The following EXPH5 variants were observed in gnomAD, a reference collection of about 807,000 sequenced individuals.
EXPH5 encodes the protein exophilin-5.
Under a neutral mutation model 41.1 loss-of-function variants are expected in EXPH5, and 42 were observed. The observed-to-expected ratio is 1.02, with a 90% CI of 0.80 to 1.32. The LOEUF is 1.32. EXPH5 is among the 40% of genes most tolerant of loss of function. The pLI is 0.00. For missense variants in EXPH5, 2,298 were observed against 2,314.5 expected, an observed-to-expected ratio of 0.99 and a Z score of 0.15; for synonymous variants, 798 against 833.5, an observed-to-expected ratio of 0.96 and a Z score of 0.73.
At chr11:108,594,316 C>A (rs935369556), upstream of EXPH5, among the ~76,000 whole-genome samples, 1 of 152,164 alleles carries the variant, frequency 6.6e-6, no homozygotes, top group Admixed American at 6.5e-5. Context: ...AACAAACAAA[C>A]AAACAAACAA....
At chr11:108,607,105 T>TA in the EXPH5 span, among the ~76,000 whole-genome samples, 2 of 152,040 alleles carry the variant, frequency 1.3e-5, no homozygotes, top group Non-Finnish European at 2.9e-5. Context: ...AACATAAACA[T>TA]AAAAATCACT....
intron 5 of EXPH5, among the ~76,000 whole-genome samples, chr11:108,515,644 TATA>T (rs2093720092): frequency 6.6e-6 from 1 of 152,186 alleles, no homozygotes; most frequent in Non-Finnish European, 1.5e-5. Context: ...ATTCTCATTC[TATA>T]ATGAGGAAAC....
chr11:108,533,683 C>T (rs148310512), intron 3 of EXPH5, among the ~76,000 whole-genome samples: 39 of 152,290 alleles, frequency 2.6e-4, no homozygotes, highest in Admixed American at 7.8e-4. Flanking sequence ...ACACTGTTGA[C>T]GTTTCTTTGT....
At chr11:108,601,056 T>C in the EXPH5 span, among the ~76,000 whole-genome samples, 6 of 152,200 alleles carry the variant, frequency 3.9e-5, no homozygotes, top group African/African-American at 1.4e-4. Flanking sequence ...CTGCAGGTAA[T>C]AGAATATTCC....
chr11:108,526,483 G>A (rs965379366), intron 4 of EXPH5, among the ~76,000 whole-genome samples: 12 of 152,142 alleles, frequency 7.9e-5, no homozygotes, highest in Admixed American at 5.9e-4. Flanking sequence ...CTCAGACCCC[G>A]TGGCTCTCAA....
intron 5 of EXPH5, among the ~76,000 whole-genome samples, chr11:108,516,350 C>T (rs1345620545): frequency 6.6e-6 from 1 of 152,108 alleles, no homozygotes; most frequent in Non-Finnish European, 1.5e-5. Flanking sequence ...TTAGACAAGC[C>T]ACAGCATCCT....
At chr11:108,606,602 C>T in the EXPH5 span, among the ~76,000 whole-genome samples, 8 of 151,998 alleles carry the variant, frequency 5.3e-5, no homozygotes, top group Admixed American at 6.6e-5. Flanking sequence ...TATAATAAGC[C>T]CTTTAAAGAC....
chr11:108,524,333 A>C (rs1328133415), intron 4 of EXPH5, among the ~76,000 whole-genome samples: 1 of 152,204 alleles, frequency 6.6e-6, no homozygotes, highest in Non-Finnish European at 1.5e-5. Context: ...AATTAATATT[A>C]ATAGTTGTGA....
At chr11:108,576,075 A>G (rs2094078810) in intron 1 of EXPH5, among the ~76,000 whole-genome samples, 1 of 152,342 alleles carries the variant, frequency 6.6e-6, no homozygotes, top group South Asian at 2.1e-4. Context: ...ATTCCTACCT[A>G]TATACTCTGG....
At chr11:108,551,559 T>A (rs554902879) in intron 1 of EXPH5, among the ~76,000 whole-genome samples, 5 of 152,204 alleles carry the variant, frequency 3.3e-5, no homozygotes, top group Non-Finnish European at 5.9e-5. Context: ...CTCCCTTGCT[T>A]CTGTATACAC....
chr11:108,534,781 G>C (rs1477945215), intron 3 of EXPH5, among the ~76,000 whole-genome samples: 3 of 152,150 alleles, frequency 2.0e-5, no homozygotes, highest in African/African-American at 7.2e-5. Context: ...TGGCATCCCT[G>C]TGTGAATTCT....
Position 108,510,262 on chromosome 11 carries a change from G to A in EXPH5, c.5245C>T (p.Gln1749Ter), listed in dbSNP as rs1333753637. ...SLREAEFSDN[Q>*]RRLSPPFPLE... ...GGAAAAGGAGGGCTCAGCCTCCTCT[G>A]ATTGTCAGAGAATTCTGCTTCCCTG... The change falls in exon 6 of 6, where the codon CAG (glutamine) becomes TAG (stop). Residue 1749 changes from glutamine (Q) to a stop codon, truncating the protein, a stop_gained. Transcript: ENST00000265843. LOFTEE classifies it low-confidence loss of function (END_TRUNC). The A allele has an allele frequency of 6.2e-7, 1 of 1,613,794 alleles. No individual in the cohort carries two copies. Among genetic ancestry groups the A allele is most frequent in the Non-Finnish European group, 8.5e-7 (1 of 1,179,980 alleles).
chr11:108,518,178 T>C (rs1225423221), intron 5 of EXPH5, 57 bp downstream of exon 5: 11 of 1,503,984 alleles, frequency 7.3e-6, no homozygotes, highest in East Asian at 2.3e-5. Flanking sequence ...AAACTAGTTA[T>C]TGTTTACTTC....
the EXPH5 span, among the ~76,000 whole-genome samples, chr11:108,602,442 A>G: frequency 6.6e-6 from 1 of 151,924 alleles, no homozygotes; most frequent in Non-Finnish European, 1.5e-5. Flanking sequence ...GGTGTATCCA[A>G]TGTAGATTTA....
chr11:108,516,663 ATCTGT>A (rs953280721), intron 5 of EXPH5, among the ~76,000 whole-genome samples: 4 of 152,246 alleles, frequency 2.6e-5, no homozygotes, highest in African/African-American at 9.6e-5. Flanking sequence ...ATTTAAAAAA[ATCTGT>A]TCTGGATTTT....
chr11:108,573,184 GAAAGAAAGAAAGAA>G lies in EXPH5; in HGVS notation c.119+20220_119+20233del, dbSNP rs1308149365. 9.0e-3 allele frequency among the ~76,000 whole-genome samples: 1,265 copies of G among 140,352 alleles called. 26 individuals are homozygous for G. Among genetic ancestry groups the G allele is most frequent in the African/African-American group, 0.036 (1,177 of 33,140 alleles). 92.1% of individuals were successfully genotyped at this position (140,352 alleles called of 152,430 possible). On this transcript the variant is annotated intron_variant, in intron 1 of 5. Coordinates refer to ENST00000265843, the MANE Select transcript of EXPH5 (RefSeq NM_015065.3). ...AGAAAGAAAGAAAGAAAGAAAGAAA[GAAAGAAAGAAAGAA>G]AAAGAAAGAAAGAAAGAAAGAAAGG...
At chr11:108,576,885 C>T (rs1213258409) in intron 1 of EXPH5, among the ~76,000 whole-genome samples, 2 of 152,178 alleles carry the variant, frequency 1.3e-5, no homozygotes, top group African/African-American at 4.8e-5. Flanking sequence ...ATCCTCCCTT[C>T]CCCACTACCT....
At chr11:108,523,718 A>G (rs2093779991) in intron 4 of EXPH5, among the ~76,000 whole-genome samples, 1 of 152,200 alleles carries the variant, frequency 6.6e-6, no homozygotes, top group Admixed American at 6.5e-5. Context: ...CCAAAAATAC[A>G]AAAACTTAGC....
At position 108,529,191 on chromosome 11, in the gene EXPH5, T is replaced by G. The variant is rs1384278965; in HGVS notation, c.444-1007A>C. Among the ~76,000 whole-genome samples, 8 of 152,300 alleles carry G rather than the reference T, an allele frequency of 5.3e-5. 1 individual carries two copies. The Middle Eastern group carries it at 0.01, about 194-fold the overall frequency. ...AACAACAAAGATTGCTTTAGGATGC[T>G]GACTTCTATAAAGATGGCTGACTTA... On this transcript the variant is annotated intron_variant, in intron 3 of 5. Transcript: ENST00000265843.
Sources: gnomAD v4.1 joint callset for allele counts (sites outside exome capture counted in the v4.1 genomes callset) on GRCh38, gnomAD v4.1.1 for gene constraint, MANE v1.5 for transcripts, NCBI Gene and HGNC (gene_info 2026-07-23, HGNC 2026-07-21) for gene names.